Variants in MAPK8IP3 observed in about 807,000 individuals in gnomAD.
MAPK8IP3 encodes the protein C-Jun-amino-terminal kinase-interacting protein 3.
A neutral mutation model predicts 157.8 loss-of-function variants in MAPK8IP3; 49 were observed. The ratio of observed to expected loss-of-function variants is 0.31; its 90% CI spans 0.25 to 0.39. MAPK8IP3 has a LOEUF of 0.39. Ranked by LOEUF, MAPK8IP3 falls within the 10% of genes least tolerant of loss-of-function variation. MAPK8IP3 has a pLI of 1.00. For synonymous variants in MAPK8IP3, 897 were observed against 777.7 expected, an observed-to-expected ratio of 1.15 and a Z score of -2.55; for missense variants, 1,478 against 1,889.4, an observed-to-expected ratio of 0.78 and a Z score of 4.04.
intron 28 of MAPK8IP3, 53 bp downstream of exon 28, chr16:1,767,971 G>T: frequency 6.2e-7 from 1 of 1,607,216 alleles, no homozygotes; most frequent in Admixed American, 1.7e-5. Flanking sequence ...GGTGTACGTG[G>T]GTTCACGGGG....
Position 1,764,433 on chromosome 16 carries a change from G to A in MAPK8IP3, c.2254G>A (p.Ala752Thr), listed in dbSNP as rs1487903826. ...DREGDGEPKS[A>T]HTSPEKKKAK... ...CGAAGGAGACGGCGAGCCCAAGAGC[G>A]CCCACACGTCTCCCGAGAAGAAGAA... The change falls in exon 19 of 32, where the codon GCC becomes ACC. Residue 752 changes from alanine (A) to threonine (T), a missense_variant. Coordinates refer to ENST00000610761, the MANE Select transcript of MAPK8IP3 (RefSeq NM_001318852.2). 1.0e-5 allele frequency: 16 copies of A among 1,607,928 alleles called. No individual in the cohort carries two copies. The highest frequency in any genetic ancestry group is 2.2e-5 in the East Asian group (1 of 44,772).
chr16:1,744,304 T>G (rs2040842546), intron 5 of MAPK8IP3: 1 of 985,684 alleles, frequency 1.0e-6, no homozygotes, highest in Non-Finnish European at 1.2e-6. Context: ...GTGGGCTGGG[T>G]TGGGCTGGTG....
intron 1 of MAPK8IP3, among the ~76,000 whole-genome samples, chr16:1,717,383 G>A (rs886233510): frequency 7.9e-5 from 12 of 152,230 alleles, no homozygotes; most frequent in Non-Finnish European, 1.8e-4. Context: ...AGGGAATCCT[G>A]TGGCATATTG....
At chr16:1,758,371 C>T (rs1046850484) in intron 9 of MAPK8IP3, among the ~76,000 whole-genome samples, 1 of 152,230 alleles carries the variant, frequency 6.6e-6, no homozygotes, top group African/African-American at 2.4e-5. Context: ...ATCCAACCCC[C>T]CCAGCCTGAG....
chr16:1,737,209 C>CGT (rs1234341132), intron 4 of MAPK8IP3, among the ~76,000 whole-genome samples: 14 of 67,168 alleles, frequency 2.1e-4, no homozygotes, highest in South Asian at 1.1e-3. Flanking sequence ...TGTGACCATC[C>CGT]GTGAGAGTGT....
At chr16:1,744,090 G>C in intron 5 of MAPK8IP3, 2 of 986,872 alleles carry the variant, frequency 2.0e-6, no homozygotes, top group Non-Finnish European at 2.4e-6. Context: ...GCCGGTGAGT[G>C]CACCTCAGAG....
intron 8 of MAPK8IP3, among the ~76,000 whole-genome samples, chr16:1,755,465 G>A (rs1479099286): frequency 6.6e-6 from 1 of 152,166 alleles, no homozygotes; most frequent in Non-Finnish European, 1.5e-5. Context: ...CAAGGATATA[G>A]TGAGCCATGA....
intron 5 of MAPK8IP3, chr16:1,744,065 A>T (rs906024585): frequency 4.0e-6 from 4 of 988,190 alleles, no homozygotes; most frequent in Non-Finnish European, 4.8e-6. Flanking sequence ...GGGCCCCAGC[A>T]GGTTCTCACA....
chr16:1,757,168 T>A (rs1027737793), intron 8 of MAPK8IP3, among the ~76,000 whole-genome samples: 10 of 152,046 alleles, frequency 6.6e-5, no homozygotes, highest in African/African-American at 2.2e-4. Flanking sequence ...TGCAGTGGCG[T>A]GATCTCAGCT....
chr16:1,741,453 C>T lies in MAPK8IP3; in HGVS notation c.603-1879C>T, dbSNP rs1005046614. On this transcript the variant is annotated intron_variant, in intron 4 of 31. Coordinates refer to ENST00000610761, the MANE Select transcript of MAPK8IP3 (RefSeq NM_001318852.2). The surrounding 1 kb of genome is among the most constrained non-coding windows in gnomAD (Gnocchi z 6.9). ...TGGGTGGGAGAGCCGTACATGCATT[C>T]CCTTGGCCTCCTGGGAGACCAGAGG... Among the ~76,000 whole-genome samples the T allele has an allele frequency of 1.3e-5, 2 of 152,108 alleles. No individual in the cohort carries two copies. Among genetic ancestry groups the T allele is most frequent in the Admixed American group, 6.5e-5 (1 of 15,284 alleles).
intron 4 of MAPK8IP3, among the ~76,000 whole-genome samples, chr16:1,732,857 G>C (rs567835630): frequency 3.7e-4 from 56 of 152,252 alleles, no homozygotes; most frequent in African/African-American, 1.2e-3. Context: ...AGAATGGGCA[G>C]CGCCAGCCAT....
chr16:1,744,706 C>A, intron 5 of MAPK8IP3: 2 of 985,452 alleles, frequency 2.0e-6, no homozygotes, highest in Non-Finnish European at 2.4e-6. Flanking sequence ...GGCCTCCGGG[C>A]TGCCTCTCGC....
chr16:1,768,461 G>A lies in MAPK8IP3; in HGVS notation c.3743-16G>A, dbSNP rs371292279. The A allele has an allele frequency of 3.2e-5, 51 of 1,579,282 alleles. 1 individual carries two copies. The highest frequency in any genetic ancestry group is 1.2e-4 in the African/African-American group (9 of 74,324). On this transcript the variant is annotated splice_polypyrimidine_tract_variant and intron_variant, in intron 30 of 31. Coordinates refer to ENST00000610761, the MANE Select transcript of MAPK8IP3 (RefSeq NM_001318852.2). ...CCCCAGGAGGCCGCTGTCCTGAATC[G>A]CTTCTGCCATCCCAGGGAACGTGCT...
chr16:1,729,931 G>A lies in MAPK8IP3; in HGVS notation c.602+353G>A, dbSNP rs552442291. On this transcript the variant is annotated intron_variant, in intron 4 of 31. Coordinates refer to ENST00000610761, the MANE Select transcript of MAPK8IP3 (RefSeq NM_001318852.2). ...CTAAAATATATCTGTGACCTCAGCCGGGCACAGTGACTTATGCCTGTAATC... is the reference window on the plus strand; with the variant it reads ...CTAAAATATATCTGTGACCTCAGCCAGGCACAGTGACTTATGCCTGTAATC... Among the ~76,000 whole-genome samples the A allele has an allele frequency of 6.6e-5, 10 of 151,702 alleles. No individual in the cohort carries two copies. The South Asian group carries it at 1.7e-3, about 25-fold the overall frequency.
At position 1,762,440 on chromosome 16, in the gene MAPK8IP3, G is replaced by A; in HGVS notation, c.1629G>A (p.Leu543=). Residue 543 remains leucine, a synonymous_variant, in exon 14 of 32, where the codon CTG becomes CTA. Coordinates refer to ENST00000610761, the MANE Select transcript of MAPK8IP3 (RefSeq NM_001318852.2). ...LMERNQYKER[L]MELQEAVRWT... is the part of the protein sequence containing the mutation. ...AGCGGAACCAGTACAAGGAGCGGCT[G>A]ATGGAGCTGCAGGAGGCTGTGCGGT... is the stretch of plus-strand genomic sequence containing the variant. 6.2e-7 allele frequency: 1 copy of A among 1,610,162 alleles called. No homozygotes were observed. Among genetic ancestry groups the A allele is most frequent in the Non-Finnish European group, 8.5e-7 (1 of 1,178,478 alleles).
At chr16:1,725,591 C>G (rs1473552889) in intron 2 of MAPK8IP3, among the ~76,000 whole-genome samples, 2 of 151,348 alleles carry the variant, frequency 1.3e-5, no homozygotes, top group East Asian at 3.9e-4. Flanking sequence ...CGTGCCACTG[C>G]ACTCTAGCCT....
intron 4 of MAPK8IP3, among the ~76,000 whole-genome samples, chr16:1,737,978 C>G (rs1346057286): frequency 1.6e-5 from 1 of 64,160 alleles, no homozygotes; most frequent in Non-Finnish European, 2.8e-5. Context: ...GAGCGTGTGA[C>G]CGTCCGTGTG....
intron 1 of MAPK8IP3, chr16:1,707,625 C>T (rs1596524181): frequency 6.6e-6 from 1 of 152,222 alleles, no homozygotes; most frequent in Non-Finnish European, 1.5e-5. Flanking sequence ...GAACCTCGCC[C>T]TTTGTCAGAA....
intron 17 of MAPK8IP3, 44 bp downstream of exon 17, chr16:1,763,827 CGGGGCGGGGGTAA>C (rs1449303173): frequency 1.8e-4 from 29 of 161,056 alleles, no homozygotes; most frequent in Non-Finnish European, 2.6e-4. Context: ...CCCGCAGAGG[CGGGGCGGGGGTAA>C]GGGGCGGGGC....
Sources: allele counts gnomAD v4.1 joint callset (sites outside exome capture counted in the v4.1 genomes callset), GRCh38; gene constraint gnomAD v4.1.1; non-coding constraint Gnocchi (gnomAD v3.1); transcripts MANE v1.5; gene names NCBI Gene and HGNC (gene_info 2026-07-23, HGNC 2026-07-21).